The following AGMO variants were observed in gnomAD, a reference collection of about 807,000 sequenced individuals.
AGMO encodes the protein alkylglycerol monooxygenase.
A neutral mutation model predicts 60.2 loss-of-function variants in AGMO; 75 were observed. The observed-to-expected ratio is 1.25, with a 90% CI of 1.03 to 1.51. The LOEUF is 1.51. Among genes scored for constraint, AGMO ranks in the 40% most tolerant of loss-of-function variants. AGMO has a pLI of 0.00. For synonymous variants in AGMO, 261 were observed against 177.1 expected (o/e 1.47, Z -3.76); for missense variants, 763 against 525.5 (o/e 1.45, Z -4.42).
At chr7:15,135,162 T>TGTGTG in the AGMO span, among the ~76,000 whole-genome samples, 75 of 102,094 alleles carry the variant, frequency 7.3e-4, no homozygotes, top group Middle Eastern at 5.3e-3. Context: ...TTATATGAGT[T>TGTGTG]TGTGTGTGTG....
chr7:15,185,310 G>A, the AGMO span, among the ~76,000 whole-genome samples: 2 of 151,970 alleles, frequency 1.3e-5, no homozygotes, highest in Admixed American at 1.3e-4. Context: ...AGAATCTAAG[G>A]TACTTGTTTT....
Position 15,218,406 on chromosome 7 carries a change from G to A in AGMO, c.1264-17047C>T, listed in dbSNP as rs567997182. Among the ~76,000 whole-genome samples, 3 of 147,436 alleles carry A rather than the reference G, an allele frequency of 2.0e-5. No individual in the cohort carries two copies. In the South Asian group the frequency reaches 6.4e-4, roughly 32 times the overall value. On this transcript the variant is annotated intron_variant, in intron 12 of 12. Coordinates refer to ENST00000342526, the MANE Select transcript of AGMO (RefSeq NM_001004320.2). The stretch of plus-strand genomic sequence containing the variant: ...TTACGATTTTGGGCCATATGTTTTA[G>A]TTCTTTTAATGATGACTCTTTCAAC...
chr7:15,387,028 T>G (rs1439375348), intron 9 of AGMO, among the ~76,000 whole-genome samples: 1 of 151,122 alleles, frequency 6.6e-6, no homozygotes, highest in East Asian at 1.9e-4. Flanking sequence ...TGAGTGGAGT[T>G]AAGTTTAGAC....
intron 3 of AGMO, among the ~76,000 whole-genome samples, chr7:15,465,987 A>G (rs953923982): frequency 6.6e-6 from 1 of 152,200 alleles, no homozygotes; most frequent in Admixed American, 6.5e-5. Context: ...ATTCATTTGT[A>G]CTGAAACACC....
chr7:15,218,858 G>A (rs2128496195), intron 12 of AGMO, among the ~76,000 whole-genome samples: 1 of 152,080 alleles, frequency 6.6e-6, no homozygotes, highest in South Asian at 2.1e-4. Context: ...CAACATATTT[G>A]GAATTAACAG....
At chr7:15,404,094 C>T (rs1023476142) in intron 5 of AGMO, among the ~76,000 whole-genome samples, 1 of 151,830 alleles carries the variant, frequency 6.6e-6, no homozygotes, top group African/African-American at 2.4e-5. Flanking sequence ...GGAAATAAAA[C>T]AATCTGGAGG....
chr7:15,324,610 C>T (rs1781279969), intron 12 of AGMO, among the ~76,000 whole-genome samples: 1 of 152,092 alleles, frequency 6.6e-6, no homozygotes, highest in Non-Finnish European at 1.5e-5. Flanking sequence ...ATGTAGTGGC[C>T]CCCAACCTTT....
chr7:15,510,306 T>C (rs1196003456), intron 3 of AGMO, among the ~76,000 whole-genome samples: 3 of 152,012 alleles, frequency 2.0e-5, no homozygotes, highest in Non-Finnish European at 4.4e-5. Context: ...GCTAGGACTA[T>C]AGGCATGCAC....
intron 3 of AGMO, among the ~76,000 whole-genome samples, chr7:15,441,100 A>G (rs1289948980): frequency 6.6e-6 from 1 of 152,198 alleles, no homozygotes; most frequent in Non-Finnish European, 1.5e-5. Context: ...AATATGTGTT[A>G]TTTAAAACAA....
chr7:15,233,851 A>G (rs1220346600), intron 12 of AGMO, among the ~76,000 whole-genome samples: 1 of 152,200 alleles, frequency 6.6e-6, no homozygotes, highest in Non-Finnish European at 1.5e-5. Context: ...GTTCGAGACC[A>G]GCCTGACCAA....
chr7:15,192,630 C>T, the AGMO span, among the ~76,000 whole-genome samples: 1 of 152,144 alleles, frequency 6.6e-6, no homozygotes, highest in African/African-American at 2.4e-5. Flanking sequence ...AGCTGTCACC[C>T]TGACTCTCCA....
At chr7:15,273,841 C>G (rs1416488300) in intron 12 of AGMO, among the ~76,000 whole-genome samples, 4 of 152,042 alleles carry the variant, frequency 2.6e-5, no homozygotes, top group Non-Finnish European at 5.9e-5. Flanking sequence ...CCTTCACATC[C>G]CTTGTAAGTT....
At chr7:15,206,626 C>G (rs1383209225) in intron 12 of AGMO, among the ~76,000 whole-genome samples, 2 of 151,980 alleles carry the variant, frequency 1.3e-5, no homozygotes, top group Admixed American at 6.5e-5. Flanking sequence ...TGTGAATGAC[C>G]ATGTGATAAC....
intron 12 of AGMO, among the ~76,000 whole-genome samples, chr7:15,325,889 C>G (rs1286109972): frequency 6.6e-6 from 1 of 151,862 alleles, no homozygotes; most frequent in African/African-American, 2.4e-5. Context: ...TTGTTTCTGT[C>G]CCCTTTAATG....
chr7:15,168,726 G>A, the AGMO span, among the ~76,000 whole-genome samples: 1 of 152,208 alleles, frequency 6.6e-6, no homozygotes, highest in Admixed American at 6.5e-5. Flanking sequence ...TGCACGCTCT[G>A]TCACTAGATG....
intron 3 of AGMO, among the ~76,000 whole-genome samples, chr7:15,531,119 A>G (rs868841135): frequency 8.0e-4 from 63 of 78,698 alleles, no homozygotes; most frequent in South Asian, 3.2e-3. Context: ...TATATATTCT[A>G]TATATATTCT....
chr7:15,504,554 T>C (rs1002212579), intron 3 of AGMO, among the ~76,000 whole-genome samples: 2 of 152,036 alleles, frequency 1.3e-5, no homozygotes, highest in African/African-American at 2.4e-5. Context: ...GTCGCTCAAC[T>C]GATCATAGTG....
intron 3 of AGMO, among the ~76,000 whole-genome samples, chr7:15,494,635 A>AT (rs1291338424): frequency 2.6e-5 from 4 of 152,200 alleles, no homozygotes; most frequent in Non-Finnish European, 5.9e-5. Flanking sequence ...GAGAAAAAAA[A>AT]GTTGCCTTTT....
chr7:15,283,467 C>T (rs1159649454), intron 12 of AGMO, among the ~76,000 whole-genome samples: 1 of 151,386 alleles, frequency 6.6e-6, no homozygotes, highest in Non-Finnish European at 1.5e-5. Context: ...ATGGAAGAAA[C>T]AACAGTTTAA....
Sources: allele counts gnomAD v4.1 joint callset (sites outside exome capture counted in the v4.1 genomes callset), GRCh38; gene constraint gnomAD v4.1.1; transcripts MANE v1.5; gene names NCBI Gene and HGNC (gene_info 2026-07-23, HGNC 2026-07-21).